LYN: variants seen among roughly 807,000 people sequenced by gnomAD.
The protein encoded by LYN is tyrosine-protein kinase Lyn.
In LYN, 12 loss-of-function variants were observed where a neutral mutation model predicts 65.0. The observed-to-expected ratio is 0.18, with a 90% CI of 0.12 to 0.30. LYN has a LOEUF of 0.30. LYN is among the 10% of genes least tolerant of loss of function. LYN has a pLI of 1.00. For synonymous variants in LYN, 222 were observed against 221.2 expected, an observed-to-expected ratio of 1.00 and a Z score of -0.03; for missense variants, 380 against 623.2, an observed-to-expected ratio of 0.61 and a Z score of 4.16.
In LYN at chr8:55,940,640, C is replaced by T. The variant is rs1002477131; in HGVS notation, c.-5-1215C>T. Among the ~76,000 whole-genome samples, 6 of 152,252 alleles carry T rather than the reference C, an allele frequency of 3.9e-5. No homozygotes were observed. In the South Asian group the frequency reaches 1.2e-3, roughly 31 times the overall value. ...CCGCCTTCCTTGGCTTCACAAAGTG[C>T]TGGGATTACAGGCCTGAGCCACCGC... On this transcript the variant is annotated intron_variant, in intron 1 of 12. Transcript: ENST00000519728.
chr8:55,897,699 C>T (rs916587004), intron 1 of LYN, among the ~76,000 whole-genome samples: 3 of 152,008 alleles, frequency 2.0e-5, no homozygotes, highest in African/African-American at 7.2e-5. Flanking sequence ...ATCACTTGAG[C>T]GCAGAAGTTT....
At chr8:55,891,843 G>C (rs1389828134) in intron 1 of LYN, among the ~76,000 whole-genome samples, 1 of 152,164 alleles carries the variant, frequency 6.6e-6, no homozygotes, top group Non-Finnish European at 1.5e-5. Context: ...TACCTACCAA[G>C]CAGACGGGTG....
At chr8:55,913,727 G>T (rs1563507974) in intron 1 of LYN, among the ~76,000 whole-genome samples, 2 of 152,232 alleles carry the variant, frequency 1.3e-5, no homozygotes, top group African/African-American at 4.8e-5. Flanking sequence ...GAAGGGATGT[G>T]TAGTTTTGTC....
Position 55,909,480 on chromosome 8 carries a change from AT to A in LYN, c.-6+29381del, listed in dbSNP as rs1585585796. Reference sequence around the variant, plus strand: ...ATTCGCCCCATTGGCTCCTCAGCACATTTTCTTTATCTAGTCATCCGCTGAT... The same window carrying A: ...ATTCGCCCCATTGGCTCCTCAGCACATTTCTTTATCTAGTCATCCGCTGAT... On this transcript the variant is annotated intron_variant, in intron 1 of 12. Transcript: ENST00000519728. 2.6e-5 allele frequency among the ~76,000 whole-genome samples: 4 copies of A among 152,170 alleles called. No homozygotes were observed. The East Asian group carries it at 5.8e-4, about 22-fold the overall frequency.
intron 1 of LYN, among the ~76,000 whole-genome samples, chr8:55,928,560 C>T (rs1806176264): frequency 6.6e-6 from 1 of 152,036 alleles, no homozygotes. Flanking sequence ...GATCTGTTGC[C>T]CATTTTAAAA....
intron 8 of LYN, among the ~76,000 whole-genome samples, chr8:55,958,726 T>C (rs1022610300): frequency 1.2e-4 from 19 of 152,350 alleles, no homozygotes; most frequent in African/African-American, 4.6e-4. Context: ...TGTCTTTTTG[T>C]CTCTGGCTTA....
intron 1 of LYN, among the ~76,000 whole-genome samples, chr8:55,916,509 T>C (rs374633051): frequency 6.6e-6 from 1 of 152,058 alleles, no homozygotes; most frequent in African/African-American, 2.4e-5. Context: ...AGTGAAGACA[T>C]GTATCTACAC....
At chr8:55,887,880 G>C (rs1050662775) in intron 1 of LYN, among the ~76,000 whole-genome samples, 3 of 152,104 alleles carry the variant, frequency 2.0e-5, no homozygotes, top group African/African-American at 4.8e-5. Context: ...GAAATCCGGG[G>C]ATTACAGGCA....
Position 56,010,341 on chromosome 8 carries a change from T to A in LYN, c.*231T>A, listed in dbSNP as rs1808780130. ...ACTTGGACTTGTCCTCAGCAGCTGG[T>A]AATCTTGCTCTGCTTGACAACATCT... On this transcript the variant is annotated 3_prime_UTR_variant, in exon 13 of 13. Transcript: ENST00000519728. 1 of 509,182 alleles carries A rather than the reference T, an allele frequency of 2.0e-6. No homozygotes were observed. The highest frequency in any genetic ancestry group is 3.6e-6 in the Non-Finnish European group (1 of 280,332). 31.5% of individuals were successfully genotyped at this position (509,182 alleles called of 1,614,324 possible). A position where few individuals can be genotyped will look rare whatever the true frequency, so the allele number is the denominator to read the frequency against.
intron 1 of LYN, among the ~76,000 whole-genome samples, chr8:55,918,472 A>G (rs1805842977): frequency 6.6e-6 from 1 of 152,268 alleles, no homozygotes; most frequent in Non-Finnish European, 1.5e-5. Context: ...AGGATTAAGA[A>G]TCATTGCCTT....
In LYN at chr8:55,879,852, G is replaced by A; in HGVS notation, c.-257G>A. The A allele has an allele frequency of 1.1e-5, 2 of 185,188 alleles. No individual in the cohort carries two copies. The highest frequency in any genetic ancestry group is 8.8e-5 in the South Asian group (1 of 11,364). The allele number at this position is 185,188 out of a possible 1,614,324, so 11.5% of individuals were successfully genotyped here. Reference sequence around the variant, plus strand: ...AGACAGCCAGTTCCTCTCCCGCCGCGCCGGGCCGCGCTGCCGCTCGCTCCC... The same window carrying A: ...AGACAGCCAGTTCCTCTCCCGCCGCACCGGGCCGCGCTGCCGCTCGCTCCC... On this transcript the variant is annotated 5_prime_UTR_variant, in exon 1 of 13. Transcript: ENST00000519728.
At chr8:55,949,209 T>G (rs17811397) in intron 4 of LYN, among the ~76,000 whole-genome samples, 16,812 of 152,296 alleles carry the variant, frequency 0.11, 1,290 homozygotes, top group Middle Eastern at 0.27. Context: ...TTATAATGCA[T>G]GAACTGTGGA....
rs762029441 is a variant in LYN, at chr8:55,946,468, A to G, written c.153A>G (p.Leu51=). 17 of 1,611,122 alleles carry G rather than the reference A, an allele frequency of 1.1e-5. No homozygotes were observed. In the South Asian group the frequency reaches 1.8e-4, roughly 17 times the overall value. ...CGTAGGTTCCAGAATCTCAGCTTTT[A>G]CCTGGACAGAGGTTTCAAACTAAAG... ...QQRPVPESQL[L]PGQRFQTKDP... Residue 51 remains leucine (L), a synonymous_variant, in exon 3 of 13, where the codon TTA becomes TTG. Transcript: ENST00000519728.
At chr8:55,945,918 A>T (rs1585626194) in intron 2 of LYN, among the ~76,000 whole-genome samples, 1 of 152,100 alleles carries the variant, frequency 6.6e-6, no homozygotes. Context: ...CCACGAAATC[A>T]CCAGGGTCCC....
intron 8 of LYN, among the ~76,000 whole-genome samples, chr8:55,961,001 G>A (rs558422236): frequency 8.5e-5 from 13 of 152,274 alleles, no homozygotes; most frequent in Non-Finnish European, 1.3e-4. Flanking sequence ...GGCTAAGGAC[G>A]ATGTTTCCTC....
intron 10 of LYN, among the ~76,000 whole-genome samples, chr8:55,971,122 G>T (rs183738397): frequency 6.0e-4 from 91 of 152,302 alleles, no homozygotes; most frequent in Non-Finnish European, 1.1e-3. Context: ...ATCTGAGTTG[G>T]AAATTCAAGT....
chr8:55,969,134 T>C (rs1807539645), intron 9 of LYN, among the ~76,000 whole-genome samples: 1 of 152,076 alleles, frequency 6.6e-6, no homozygotes, highest in African/African-American at 2.4e-5. Context: ...AAGAATTAGC[T>C]GGGTGTGATG....
intron 6 of LYN, among the ~76,000 whole-genome samples, chr8:55,951,405 C>T (rs1806942780): frequency 6.6e-6 from 1 of 151,884 alleles, no homozygotes; most frequent in South Asian, 2.1e-4. Flanking sequence ...GTGGCTCAGG[C>T]CTGTAATCCC....
Position 55,907,252 on chromosome 8 carries a change from C to T in LYN, c.-6+27149C>T, listed in dbSNP as rs145683565. ...ATTCATAAAATGGGGTATTACTCAACCAAAAAAATGAGACACTGATATATT... is the reference window on the plus strand; with the variant it reads ...ATTCATAAAATGGGGTATTACTCAATCAAAAAAATGAGACACTGATATATT... On this transcript the variant is annotated intron_variant, in intron 1 of 12. Coordinates refer to ENST00000519728, the MANE Select transcript of LYN (RefSeq NM_002350.4). 4.6e-5 allele frequency among the ~76,000 whole-genome samples: 7 copies of T among 152,082 alleles called. No homozygotes were observed. In the East Asian group the frequency reaches 1.4e-3, roughly 29 times the overall value.
Sources: gnomAD v4.1 joint callset for allele counts (sites outside exome capture counted in the v4.1 genomes callset) on GRCh38, gnomAD v4.1.1 for gene constraint, MANE v1.5 for transcripts, NCBI Gene and HGNC (gene_info 2026-07-23, HGNC 2026-07-21) for gene names.